Variants in ALS2 observed in about 807,000 individuals in gnomAD.
The protein encoded by ALS2 is alsin Rho guanine nucleotide exchange factor ALS2.
ALS2 carries 117 observed loss-of-function variants against 203.4 expected under a neutral mutation model. The observed-to-expected ratio is 0.58, with a 90% CI of 0.50 to 0.67. ALS2 has a LOEUF of 0.67. Among genes scored for constraint, ALS2 ranks in the 30% least tolerant of loss-of-function variants. The pLI is 0.00. For synonymous variants in ALS2, 718 were observed against 725.9 expected (o/e 0.99, Z 0.17); for missense variants, 1,715 against 1,989.4 (o/e 0.86, Z 2.62).
chr2:201,761,461 C>T lies in ALS2; in HGVS notation c.533G>A (p.Cys178Tyr), dbSNP rs372000096. 3 of 1,607,528 alleles carry T rather than the reference C, an allele frequency of 1.9e-6. No homozygotes were observed. The highest frequency in any genetic ancestry group is 2.6e-6 in the Non-Finnish European group (3 of 1,174,706). ...SREIWAWGTG[C>Y]QLGLITTAFP... ...GGCAGTGGTAATGAGACCCAACTGA[C>T]AACCGGTACCCCATGCCCAAATCTC... The change falls in exon 4 of 34, where the codon TGT becomes TAT. Residue 178 changes from cysteine to tyrosine, a missense_variant. Cys to Tyr is a radical substitution (Grantham distance 194). Coordinates refer to ENST00000264276, the MANE Select transcript of ALS2 (RefSeq NM_020919.4).
In ALS2 at chr2:201,749,872, T is replaced by A. The variant is rs41308830; in HGVS notation, c.1738-83A>T. 16 of 1,020,824 alleles carry A rather than the reference T, an allele frequency of 1.6e-5. No individual in the cohort carries two copies. The African/African-American group carries it at 2.2e-4, about 14-fold the overall frequency. The allele number at this position is 1,020,824 out of a possible 1,614,324, so 63.2% of individuals were successfully genotyped here. A position where few individuals can be genotyped will look rare whatever the true frequency, so the allele number is the denominator to read the frequency against. On this transcript the variant is annotated intron_variant, in intron 7 of 33. Transcript: ENST00000264276. ...CTCTGAACCTTTATAATAATTAACATATATACACAAATACCAACAATTATA... is the reference window on the plus strand; with the variant it reads ...CTCTGAACCTTTATAATAATTAACAAATATACACAAATACCAACAATTATA...
In ALS2 at chr2:201,727,072, C is replaced by G. The variant is rs535298508; in HGVS notation, c.2979+140G>C. The G allele has an allele frequency of 7.5e-6, 7 of 929,500 alleles. No homozygotes were observed. In the African/African-American group the frequency reaches 1.2e-4, roughly 16 times the overall value. The allele number at this position is 929,500 out of a possible 1,614,324, so 57.6% of individuals were successfully genotyped here. A position where few individuals can be genotyped will look rare whatever the true frequency, so the allele number is the denominator to read the frequency against. ...AAAAAAAAAAACAATGAAGAACCTA[C>G]AGTTTTGGGTTAATGAAGATTTATC... is the stretch of plus-strand genomic sequence containing the variant. On this transcript the variant is annotated intron_variant, in intron 17 of 33. Transcript: ENST00000264276.
At chr2:201,706,622 CATA>C (rs1297698480) in intron 29 of ALS2, among the ~76,000 whole-genome samples, 5 of 146,748 alleles carry the variant, frequency 3.4e-5, no homozygotes, top group South Asian at 2.1e-4. Context: ...TATATGAAAA[CATA>C]ATAAAAAACA....
At chr2:201,731,466 G>A (rs527596292) in intron 13 of ALS2, among the ~76,000 whole-genome samples, 5 of 152,058 alleles carry the variant, frequency 3.3e-5, no homozygotes, top group East Asian at 1.9e-4. Flanking sequence ...TGATGAAATC[G>A]GTAATAATAA....
At chr2:201,759,929 A>G in intron 4 of ALS2, 5 of 985,012 alleles carry the variant, frequency 5.1e-6, no homozygotes, top group Non-Finnish European at 6.0e-6. Flanking sequence ...TTTTAAAACA[A>G]TTTAGTTTAA....
At chr2:201,776,195 A>G (rs1694652148) in intron 1 of ALS2, among the ~76,000 whole-genome samples, 3 of 152,208 alleles carry the variant, frequency 2.0e-5, no homozygotes, top group Non-Finnish European at 4.4e-5. Flanking sequence ...TGGTTAAACA[A>G]CTCAGAGAAG....
rs775546545 is a variant in ALS2, at chr2:201,718,170, T to C, written c.3743A>G (p.Tyr1248Cys). ...CCCAGATCCCCATTCTCCACTAAAA[T>C]AACCTTCAATGTAGTCTCCATTTGG... The part of the protein sequence containing the change: ...TMPNGDYIEG[Y>C]FSGEWGSGIK... The change falls in exon 24 of 34, where the codon TAT becomes TGT. Residue 1248 changes from tyrosine to cysteine, a missense_variant. By Grantham distance (194) the Tyr-to-Cys change is radical (BLOSUM62 -2). Transcript: ENST00000264276. The C allele has an allele frequency of 6.2e-7, 1 of 1,613,562 alleles. No individual in the cohort carries two copies. Among genetic ancestry groups the C allele is most frequent in the South Asian group, 1.1e-5 (1 of 91,064 alleles).
At chr2:201,704,666 G>A in intron 31 of ALS2, 63 bp from the exon 32 acceptor site, 1 of 1,591,340 alleles carries the variant, frequency 6.3e-7, no homozygotes. Flanking sequence ...ATTTGATCGT[G>A]CTTTTTTGAC....
rs555400992 is a variant in ALS2 at position 201,741,410 on chromosome 2, G to A, written c.2351+264C>T. ...TTTCTAAAGAACCAGACTTATTATA[G>A]TACATTTAATGTAAATTATGCTATC... is the stretch of plus-strand genomic sequence containing the variant. On this transcript the variant is annotated intron_variant, in intron 11 of 33. Transcript: ENST00000264276. 5.1e-5 allele frequency: 20 copies of A among 395,486 alleles called. No homozygotes were observed. The East Asian group carries it at 9.9e-4, about 20-fold the overall frequency. 24.5% of individuals were successfully genotyped at this position (395,486 alleles called of 1,614,324 possible).
Position 201,759,413 on chromosome 2 carries a change from T to C in ALS2, c.1113+1468A>G, listed in dbSNP as rs181339773. The C allele has an allele frequency of 3.1e-4, 298 of 952,784 alleles. 1 individual carries two copies. The African/African-American group carries it at 4.6e-3, about 15-fold the overall frequency. 59.0% of individuals were successfully genotyped at this position (952,784 alleles called of 1,614,324 possible). A position where few individuals can be genotyped will look rare whatever the true frequency, so the allele number is the denominator to read the frequency against. On this transcript the variant is annotated intron_variant, in intron 4 of 33. Transcript: ENST00000264276. The stretch of plus-strand genomic sequence containing the variant: ...TGAATTAGCTGTATGATTGAGATGT[T>C]ATTTACAAAGAATAAATTAAATGTA...
At chr2:201,768,970 A>C (rs1694241621) in intron 1 of ALS2, 25 bp from the exon 2 acceptor site, 1 of 1,303,178 alleles carries the variant, frequency 7.7e-7, no homozygotes, top group South Asian at 1.3e-5. Flanking sequence ...TAAGGAAAAG[A>C]GCAGTAAAAG....
intron 23 of ALS2, among the ~76,000 whole-genome samples, chr2:201,718,528 T>C (rs921717408): frequency 2.0e-5 from 3 of 152,196 alleles, no homozygotes; most frequent in Admixed American, 2.0e-4. Context: ...CCCAAAGTGC[T>C]GGGATTACAG....
chr2:201,748,282 C>A (rs1038698825), intron 8 of ALS2, among the ~76,000 whole-genome samples: 1 of 152,072 alleles, frequency 6.6e-6, no homozygotes, highest in African/African-American at 2.4e-5. Context: ...CAAATTCAGG[C>A]GATCCAAATA....
intron 21 of ALS2, among the ~76,000 whole-genome samples, chr2:201,724,018 T>A (rs1455691545): frequency 6.6e-6 from 1 of 152,252 alleles, no homozygotes; most frequent in South Asian, 2.1e-4. Context: ...CTTGGTAGAC[T>A]GAGGTAGGAG....
intron 10 of ALS2, among the ~76,000 whole-genome samples, chr2:201,743,197 G>A (rs1226081400): frequency 2.6e-5 from 4 of 152,110 alleles, no homozygotes; most frequent in Non-Finnish European, 5.9e-5. Flanking sequence ...AAGGAGTGCA[G>A]GAGAGAGAAA....
At chr2:201,736,170 A>G (rs1420311531) in intron 12 of ALS2, among the ~76,000 whole-genome samples, 4 of 152,164 alleles carry the variant, frequency 2.6e-5, no homozygotes, top group Non-Finnish European at 4.4e-5. Flanking sequence ...AAGTCCATCC[A>G]TGTGCTGCTT....
chr2:201,730,454 T>A (rs1372800435), intron 13 of ALS2, among the ~76,000 whole-genome samples: 1 of 152,220 alleles, frequency 6.6e-6, no homozygotes. Flanking sequence ...AGACTCACAG[T>A]GGCAGATCCA....
chr2:201,719,210 T>G (rs906027917), intron 23 of ALS2, among the ~76,000 whole-genome samples: 2 of 152,232 alleles, frequency 1.3e-5, no homozygotes, highest in African/African-American at 4.8e-5. Flanking sequence ...TGCTGAAACT[T>G]AAACCCCACT....
chr2:201,724,321 T>G lies in ALS2; in HGVS notation c.3486A>C (p.Gly1162=), dbSNP rs41309044. The G allele has an allele frequency of 4.3e-5, 70 of 1,614,002 alleles. No individual in the cohort carries two copies. In the East Asian group the frequency reaches 9.1e-4, roughly 21 times the overall value. ...IGQWVMDKKA[G]YGVFDDITRG... is the part of the protein sequence containing the mutation. ...TAGTGATATCATCAAAGACACCATATCCTGCTTTCTTATCCATTACCCACT... is the reference window on the plus strand; with the variant it reads ...TAGTGATATCATCAAAGACACCATAGCCTGCTTTCTTATCCATTACCCACT... The change falls in exon 21 of 34, where the codon GGA becomes GGC. Residue 1162 remains glycine (G), a synonymous_variant. Transcript: ENST00000264276.
Sources: allele counts gnomAD v4.1 joint callset (sites outside exome capture counted in the v4.1 genomes callset), GRCh38; gene constraint gnomAD v4.1.1; transcripts MANE v1.5; gene names NCBI Gene and HGNC (gene_info 2026-07-23, HGNC 2026-07-21).